Variants in SLC8A1 observed in about 807,000 individuals in gnomAD.
SLC8A1 encodes the protein solute carrier family 8 member A1, also known as sodium/calcium exchanger 1.
In SLC8A1, 18 loss-of-function variants were observed where a neutral mutation model predicts 68.3. The ratio of observed to expected loss-of-function variants is 0.26; its 90% CI spans 0.18 to 0.39. The LOEUF (loss-of-function observed/expected upper bound fraction) is 0.39. Among genes scored for constraint, SLC8A1 ranks in the 10% least tolerant of loss-of-function variants. SLC8A1 has a pLI of 1.00. For synonymous variants in SLC8A1, 475 were observed against 415.5 expected (o/e 1.14, Z -1.74); for missense variants, 985 against 1,156.7 (o/e 0.85, Z 2.15).
At chr2:40,106,472 A>C (rs75081561) in exon 8 of SLC8A1, 1 of 136,520 alleles carries the variant, frequency 7.3e-6, no homozygotes, top group African/African-American at 2.8e-5. Flanking sequence ...AGGTTCTCAT[A>C]AAAAAAAAAA....
chr2:40,224,844 GA>G (rs554842256), intron 2 of SLC8A1, among the ~76,000 whole-genome samples: 1 of 151,820 alleles, frequency 6.6e-6, no homozygotes, highest in African/African-American at 2.4e-5. Flanking sequence ...AATTTACAAG[GA>G]AAAAACAACC....
chr2:40,356,321 A>C (rs1672648181), intron 2 of SLC8A1, among the ~76,000 whole-genome samples: 1 of 152,164 alleles, frequency 6.6e-6, no homozygotes, highest in Admixed American at 6.5e-5. Flanking sequence ...CAGATTTATG[A>C]CTGACTGACT....
At chr2:40,218,192 TA>T (rs1366136044) in intron 2 of SLC8A1, among the ~76,000 whole-genome samples, 1 of 152,228 alleles carries the variant, frequency 6.6e-6, no homozygotes, top group Admixed American at 6.5e-5. Context: ...TATCAGTATT[TA>T]TTCTTCCTGC....
intron 2 of SLC8A1, among the ~76,000 whole-genome samples, chr2:40,333,846 T>G (rs933399047): frequency 1.3e-5 from 2 of 152,078 alleles, no homozygotes; most frequent in Admixed American, 1.3e-4. Flanking sequence ...GTCAGGGGTT[T>G]GAGACCAGCC....
At chr2:40,151,822 T>A (rs931033998) in intron 6 of SLC8A1, among the ~76,000 whole-genome samples, 24 of 152,166 alleles carry the variant, frequency 1.6e-4, no homozygotes, top group African/African-American at 5.8e-4. Flanking sequence ...GTTTAGTGAG[T>A]GGCATTGTGA....
intron 2 of SLC8A1, among the ~76,000 whole-genome samples, chr2:40,268,186 G>A (rs2065596131): frequency 6.6e-6 from 1 of 152,052 alleles, no homozygotes; most frequent in African/African-American, 2.4e-5. Context: ...GTGTGTTTGT[G>A]TGTTTCTTTC....
chr2:40,505,547 G>C (rs1233229687), intron 1 of SLC8A1, among the ~76,000 whole-genome samples: 1 of 151,846 alleles, frequency 6.6e-6, no homozygotes, highest in East Asian at 1.9e-4. Flanking sequence ...AATGCTCATA[G>C]AGCTCAATTC....
intron 2 of SLC8A1, among the ~76,000 whole-genome samples, chr2:40,398,466 T>G (rs1576106550): frequency 6.6e-6 from 1 of 152,222 alleles, no homozygotes; most frequent in African/African-American, 2.4e-5. Context: ...AGCAATACAA[T>G]TTCATTATAA....
At chr2:40,213,840 C>G (rs1222349404) in intron 2 of SLC8A1, among the ~76,000 whole-genome samples, 3 of 152,212 alleles carry the variant, frequency 2.0e-5, no homozygotes, top group Non-Finnish European at 4.4e-5. Flanking sequence ...GATAATTCAT[C>G]AAGCTTGCTT....
At chr2:40,156,148 A>G (rs1454111559) in intron 6 of SLC8A1, among the ~76,000 whole-genome samples, 2 of 152,200 alleles carry the variant, frequency 1.3e-5, no homozygotes, top group Admixed American at 1.3e-4. Context: ...CATTGTCAAA[A>G]TCCAACGGGC....
rs76369605 is a variant in SLC8A1 at position 40,250,083 on chromosome 2, A to G, written c.1809-72228T>C. On this transcript the variant is annotated intron_variant, in intron 2 of 7. Transcript: ENST00000406785. ...ACCTGACTTAACAAGCTACAGAACA[A>G]TTCCTTAGCTTAAATTGTTAAAGGG... Among the ~76,000 whole-genome samples the G allele has an allele frequency of 1.6e-3, 249 of 152,338 alleles. 1 individual carries two copies. Among genetic ancestry groups the G allele is most frequent in the Non-Finnish European group, 2.3e-3 (157 of 68,034 alleles).
chr2:40,473,054 G>C (rs1017586831), intron 1 of SLC8A1, among the ~76,000 whole-genome samples: 7 of 144,938 alleles, frequency 4.8e-5, no homozygotes, highest in Admixed American at 1.4e-4. Flanking sequence ...TTAGAAGTCA[G>C]AATGGCGGGA....
chr2:40,237,099 C>T lies in SLC8A1; in HGVS notation c.1809-59244G>A, dbSNP rs557032319. ...TTATGTGTCTTGGAGTTGCTCTTCT[C>T]GAGGAGTATCTTTGTGGCGTTCTCT... On this transcript the variant is annotated intron_variant, in intron 2 of 7. Coordinates refer to ENST00000406785, the Ensembl canonical transcript of SLC8A1. 7.4e-3 allele frequency among the ~76,000 whole-genome samples: 1,120 copies of T among 151,462 alleles called. 11 individuals carry two copies. Among genetic ancestry groups the T allele is most frequent in the Admixed American group, 0.016 (244 of 15,202 alleles).
chr2:40,273,108 A>C (rs371484350), intron 2 of SLC8A1, among the ~76,000 whole-genome samples: 3 of 151,722 alleles, frequency 2.0e-5, no homozygotes, highest in African/African-American at 7.3e-5. Context: ...AAGTCCGGCT[A>C]ATTTTTGGAT....
intron 7 of SLC8A1, among the ~76,000 whole-genome samples, chr2:40,131,934 T>G (rs2039458728): frequency 7.1e-6 from 1 of 141,360 alleles, no homozygotes; most frequent in African/African-American, 2.6e-5. Context: ...GTGATTAAAT[T>G]TTTACATACA....
At chr2:40,323,752 T>A (rs1298190328) in intron 2 of SLC8A1, among the ~76,000 whole-genome samples, 1 of 152,042 alleles carries the variant, frequency 6.6e-6, no homozygotes, top group African/African-American at 2.4e-5. Flanking sequence ...TTTAACTAGA[T>A]CCTAAATCCA....
chr2:40,204,540 G>T (rs2055011178), intron 2 of SLC8A1, among the ~76,000 whole-genome samples: 1 of 151,878 alleles, frequency 6.6e-6, no homozygotes, highest in Non-Finnish European at 1.5e-5. Flanking sequence ...AATTTACAAA[G>T]CCCAACCAGT....
At chr2:40,401,567 CAAAAAA>C (rs3060361) in intron 2 of SLC8A1, among the ~76,000 whole-genome samples, 30 of 94,068 alleles carry the variant, frequency 3.2e-4, no homozygotes, top group South Asian at 8.3e-4. Flanking sequence ...ATAGGCCAGT[CAAAAAA>C]AAAAAAAAAA....
intron 1 of SLC8A1, among the ~76,000 whole-genome samples, chr2:40,478,774 G>GTTTTT (rs760505178): frequency 7.5e-6 from 1 of 133,968 alleles, no homozygotes; most frequent in African/African-American, 2.7e-5. Context: ...TAATTTGTTT[G>GTTTTT]TTTTTTTTTT....
Sources: allele counts gnomAD v4.1 joint callset (sites outside exome capture counted in the v4.1 genomes callset), GRCh38; gene constraint gnomAD v4.1.1; transcripts MANE v1.5; gene names NCBI Gene and HGNC (gene_info 2026-07-23, HGNC 2026-07-21).